The following MBNL1 variants were observed in gnomAD, a reference collection of about 807,000 sequenced individuals.
MBNL1 encodes muscleblind-like protein 1.
Under a neutral mutation model 42.2 loss-of-function variants are expected in MBNL1, and 8 were observed. That is an observed-to-expected ratio of 0.19 (90% CI 0.11 to 0.34). The LOEUF (loss-of-function observed/expected upper bound fraction) is 0.34, where lower values mean the gene tolerates loss of function less well. MBNL1 is among the 10% of genes least tolerant of loss of function. The pLI, the probability that MBNL1 is intolerant of heterozygous loss-of-function variation, is 1.00. For synonymous variants in MBNL1, 169 were observed against 173.9 expected, an observed-to-expected ratio of 0.97 and a Z score of 0.22; for missense variants, 309 against 495.3, an observed-to-expected ratio of 0.62 and a Z score of 3.57.
intron 6 of MBNL1, among the ~76,000 whole-genome samples, chr3:152,453,107 T>C (rs1726887955): frequency 6.6e-6 from 1 of 151,984 alleles, no homozygotes; most frequent in Admixed American, 6.6e-5. Context: ...TTGAGAATAA[T>C]CCAACTGATT....
At chr3:152,327,777 C>CTA (rs141742002) in intron 2 of MBNL1, among the ~76,000 whole-genome samples, 2,433 of 150,256 alleles carry the variant, frequency 0.016, 57 homozygotes, top group African/African-American at 0.055. Context: ...ATATTTTTTT[C>CTA]TATATATATA....
intron 2 of MBNL1, among the ~76,000 whole-genome samples, chr3:152,328,477 C>T (rs898458798): frequency 6.6e-6 from 1 of 152,020 alleles, no homozygotes; most frequent in African/African-American, 2.4e-5. Context: ...TCAGCTTTTA[C>T]TCATGTTTAG....
chr3:152,400,866 A>T (rs1305437411), intron 2 of MBNL1, among the ~76,000 whole-genome samples: 1 of 152,194 alleles, frequency 6.6e-6, no homozygotes, highest in Non-Finnish European at 1.5e-5. Context: ...GCAAAAACAG[A>T]GTTTAAAAAA....
chr3:152,334,905 A>T (rs2088560757), intron 2 of MBNL1, among the ~76,000 whole-genome samples: 1 of 152,214 alleles, frequency 6.6e-6, no homozygotes, highest in East Asian at 1.9e-4. Context: ...GTATGATCAC[A>T]GGAAAACACC....
rs2060161208 is a variant in MBNL1, at chr3:152,300,224, A to G, written c.31A>G (p.Thr11Ala). 1.2e-6 allele frequency: 2 copies of G among 1,609,970 alleles called. No individual in the cohort carries two copies. Among genetic ancestry groups the G allele is most frequent in the South Asian group, 1.1e-5 (1 of 90,464 alleles). The part of the protein sequence containing the change: MAVSVTPIRD[T>A]KWLTLEVCRE... The stretch of plus-strand genomic sequence containing the variant: ...TGTTAGTGTCACACCAATTCGGGAC[A>G]CAAAATGGCTAACACTGGAAGTATG... The change falls in exon 2 of 10, where the codon ACA (threonine) becomes GCA (alanine). Residue 11 changes from threonine (T) to alanine (A), a missense_variant. Thr to Ala is a moderately conservative substitution (Grantham distance 58). Coordinates refer to ENST00000324210, the MANE Select transcript of MBNL1 (RefSeq NM_021038.5).
chr3:152,450,043 G>A (rs1406138200), intron 6 of MBNL1, among the ~76,000 whole-genome samples: 1 of 146,330 alleles, frequency 6.8e-6, no homozygotes, highest in African/African-American at 2.5e-5. Flanking sequence ...AGGCGGAGCA[G>A]TGAGCCAAGA....
intron 2 of MBNL1, among the ~76,000 whole-genome samples, chr3:152,318,331 T>C (rs1391368878): frequency 1.3e-5 from 2 of 152,228 alleles, no homozygotes; most frequent in African/African-American, 4.8e-5. Flanking sequence ...TTAAAACGGA[T>C]ACTGCTTACT....
rs376058801 is a variant in MBNL1 at position 152,244,897 on chromosome 3, C to T, written n.333+457C>T. Among the ~76,000 whole-genome samples the T allele has an allele frequency of 5.3e-5, 8 of 151,756 alleles. No homozygotes were observed. In the East Asian group the frequency reaches 7.7e-4, roughly 15 times the overall value. ...CATTCTTACATTTGTTTTTACCCAC[C>T]GTGAAAATATATTGTATCATTTAAA... On this transcript the variant is annotated intron_variant and non_coding_transcript_variant, in intron 2 of 2. Coordinates refer to the MBNL1 transcript ENST00000477171.
At chr3:152,415,133 A>T in intron 3 of MBNL1, 22 bp downstream of exon 3, 1 of 1,543,538 alleles carries the variant, frequency 6.5e-7, no homozygotes, top group Non-Finnish European at 8.7e-7. Context: ...TTCAGTCTTC[A>T]CTCATTAAGT....
Position 152,464,561 on chromosome 3 carries a change from T to C in MBNL1, c.*2195T>C, listed in dbSNP as rs138209737. 1 of 152,752 alleles carries C rather than the reference T, an allele frequency of 6.5e-6. No homozygotes were observed. The highest frequency in any genetic ancestry group is 2.4e-5 in the African/African-American group (1 of 41,596). The allele number at this position is 152,752 out of a possible 1,614,324, so 9.5% of individuals were successfully genotyped here. A position where few individuals can be genotyped will look rare whatever the true frequency, so the allele number is the denominator to read the frequency against. ...ATAAGAAGATCTAGATCCTAGATAT[T>C]AGAATAAAATTTATTTTCTACTGTA... is the stretch of plus-strand genomic sequence containing the variant. On this transcript the variant is annotated 3_prime_UTR_variant, in exon 10 of 10. Coordinates refer to ENST00000324210, the MANE Select transcript of MBNL1 (RefSeq NM_021038.5).
intron 2 of MBNL1, among the ~76,000 whole-genome samples, chr3:152,414,503 A>G (rs2098662664): frequency 6.6e-6 from 1 of 152,192 alleles, no homozygotes; most frequent in Non-Finnish European, 1.5e-5. Flanking sequence ...ATGTGCCTTG[A>G]GTCCTCTAAG....
chr3:152,452,640 T>TTG (rs757846774), intron 6 of MBNL1, among the ~76,000 whole-genome samples: 63 of 152,184 alleles, frequency 4.1e-4, no homozygotes, highest in Admixed American at 3.1e-3. Context: ...TGCAGGGCTA[T>TTG]TGTGAAAGAA....
At chr3:152,297,605 C>T (rs562426591) in intron 1 of MBNL1, among the ~76,000 whole-genome samples, 9 of 152,116 alleles carry the variant, frequency 5.9e-5, no homozygotes, top group South Asian at 2.1e-4. Context: ...CTGCCTGCCT[C>T]GGCCTCCCAA....
chr3:152,395,935 A>G (rs1212242546), intron 2 of MBNL1, among the ~76,000 whole-genome samples: 2 of 152,186 alleles, frequency 1.3e-5, no homozygotes, highest in Non-Finnish European at 2.9e-5. Context: ...TGGGCTGCAC[A>G]GCAGGAGGTG....
rs556037531 is a variant in MBNL1, at chr3:152,386,297, T to A, written c.175-28644T>A. On this transcript the variant is annotated intron_variant, in intron 2 of 9. Coordinates refer to ENST00000324210, the MANE Select transcript of MBNL1 (RefSeq NM_021038.5). ...ATGAACAAGAGAATGCATTTGATGC[T>A]CTCTTGGGAAACTGTTACACCCTTC... 2.6e-5 allele frequency among the ~76,000 whole-genome samples: 4 copies of A among 152,208 alleles called. No individual in the cohort carries two copies. In the East Asian group the frequency reaches 7.7e-4, roughly 29 times the overall value.
intron 2 of MBNL1, among the ~76,000 whole-genome samples, chr3:152,390,259 A>ATT (rs567892426): frequency 0.016 from 2,380 of 145,898 alleles, 56 homozygotes; most frequent in African/African-American, 0.056. Context: ...GCTTTTCTCT[A>ATT]TTTTTTTTTT....
At chr3:152,293,425 T>C (rs2057062320) in intron 1 of MBNL1, among the ~76,000 whole-genome samples, 1 of 152,240 alleles carries the variant, frequency 6.6e-6, no homozygotes, top group African/African-American at 2.4e-5. Context: ...TATGGAAATC[T>C]CTGTTAATAT....
At chr3:152,250,279 T>C (rs1448015429) in intron 2 of MBNL1, among the ~76,000 whole-genome samples, 1 of 151,804 alleles carries the variant, frequency 6.6e-6, no homozygotes, top group African/African-American at 2.4e-5. Flanking sequence ...TTTGTTTGTA[T>C]CCTCTTTTAT....
intron 2 of MBNL1, chr3:152,335,367 C>T (rs1452657403): frequency 1.3e-6 from 1 of 781,624 alleles, no homozygotes; most frequent in Non-Finnish European, 1.9e-6. Flanking sequence ...TAGAGAGGAA[C>T]CGTGGTTTTC....
Sources: allele counts gnomAD v4.1 joint callset (sites outside exome capture counted in the v4.1 genomes callset), GRCh38; gene constraint gnomAD v4.1.1; transcripts MANE v1.5; gene names NCBI Gene and HGNC (gene_info 2026-07-23, HGNC 2026-07-21).